Variants in KCNMA1 observed in about 807,000 individuals in gnomAD.
KCNMA1 encodes Calcium-activated potassium channel subunit alpha-1.
A neutral mutation model predicts 140.0 loss-of-function variants in KCNMA1; 29 were observed. The ratio of observed to expected loss-of-function variants is 0.21; its 90% confidence interval spans 0.15 to 0.28. The LOEUF is 0.28. Ranked by LOEUF, KCNMA1 falls within the 10% of genes least tolerant of loss-of-function variation. The pLI is 1.00. For synonymous variants in KCNMA1, 612 were observed against 611.9 expected, an observed-to-expected ratio of 1.00 and a Z score of 0.00; for missense variants, 880 against 1,602.2, an observed-to-expected ratio of 0.55 and a Z score of 7.70.
intron 2 of KCNMA1, among the ~76,000 whole-genome samples, chr10:77,339,764 G>T (rs1311487862): frequency 6.6e-6 from 1 of 152,236 alleles, no homozygotes; most frequent in Non-Finnish European, 1.5e-5. Context: ...AGCCTCCCTT[G>T]CAGCTATAGG....
chr10:77,086,977 G>A (rs2096707481), intron 10 of KCNMA1, among the ~76,000 whole-genome samples: 1 of 152,230 alleles, frequency 6.6e-6, no homozygotes, highest in African/African-American at 2.4e-5. Flanking sequence ...TTCTGGGTGT[G>A]TCTGGGAGAG....
At chr10:77,068,403 T>A (rs11002003) in intron 14 of KCNMA1, among the ~76,000 whole-genome samples, 6,139 of 152,260 alleles carry the variant, frequency 0.04, 203 homozygotes, top group Non-Finnish European at 0.057. Context: ...TTCCCTTGGC[T>A]ATGGTTAGTG....
intron 2 of KCNMA1, among the ~76,000 whole-genome samples, chr10:77,370,785 C>G (rs1447428909): frequency 6.6e-6 from 1 of 152,182 alleles, no homozygotes; most frequent in Non-Finnish European, 1.5e-5. Flanking sequence ...CCTTTGAAGT[C>G]TCATTCCAAT....
chr10:76,974,556 A>T (rs2153201044), intron 19 of KCNMA1: 1 of 1,548,384 alleles, frequency 6.5e-7, no homozygotes. Context: ...GAATAGCGTG[A>T]TCTAGCTGCA....
chr10:77,069,578 T>A (rs1033711392), intron 14 of KCNMA1, among the ~76,000 whole-genome samples: 1 of 152,160 alleles, frequency 6.6e-6, no homozygotes, highest in Admixed American at 6.5e-5. Context: ...AGAAATTCAT[T>A]ACCCCCAAAG....
intron 1 of KCNMA1, among the ~76,000 whole-genome samples, chr10:77,629,058 G>A (rs1212314529): frequency 6.6e-6 from 1 of 152,144 alleles, no homozygotes; most frequent in African/African-American, 2.4e-5. Context: ...TTTGATTTTG[G>A]CCACGTGAAG....
intron 1 of KCNMA1, among the ~76,000 whole-genome samples, chr10:77,575,048 C>T (rs1290766882): frequency 1.3e-5 from 2 of 152,154 alleles, no homozygotes; most frequent in Non-Finnish European, 1.5e-5. Flanking sequence ...TAAATGATGA[C>T]CAGAACCCTG....
At chr10:77,607,219 T>C (rs1302376901) in intron 1 of KCNMA1, among the ~76,000 whole-genome samples, 1 of 152,108 alleles carries the variant, frequency 6.6e-6, no homozygotes, top group Non-Finnish European at 1.5e-5. Flanking sequence ...AAAGGAAAGA[T>C]TAGGGCAGGT....
At chr10:77,330,717 C>T (rs775993543) in intron 2 of KCNMA1, among the ~76,000 whole-genome samples, 35 of 152,134 alleles carry the variant, frequency 2.3e-4, no homozygotes, top group Admixed American at 1.7e-3. Context: ...ATCAGAACAG[C>T]CCAGGATGGC....
rs1030524398 is a variant in KCNMA1, at chr10:77,302,448, G to A, written c.541-51192C>T. ...CCAATTCCCCCTACAAGCATTGCTC[G>A]GGTCCAGGCCCACTGTAGGAGACAC... On this transcript the variant is annotated intron_variant, in intron 2 of 27. Transcript: ENST00000286628. 3.9e-5 allele frequency among the ~76,000 whole-genome samples: 6 copies of A among 152,054 alleles called. No homozygotes were observed. In the South Asian group the frequency reaches 8.3e-4, roughly 21 times the overall value.
intron 2 of KCNMA1, among the ~76,000 whole-genome samples, chr10:77,268,567 C>G (rs559356903): frequency 6.6e-6 from 1 of 152,186 alleles, no homozygotes; most frequent in South Asian, 2.1e-4. Context: ...GATTTCAGAT[C>G]AAAAGCAGTC....
intron 2 of KCNMA1, among the ~76,000 whole-genome samples, chr10:77,304,705 T>C (rs925405766): frequency 6.6e-6 from 1 of 152,228 alleles, no homozygotes. Context: ...GGCTCAGTAT[T>C]TGAACTCAGT....
At chr10:77,388,769 C>A (rs894431262) in intron 2 of KCNMA1, among the ~76,000 whole-genome samples, 1 of 152,180 alleles carries the variant, frequency 6.6e-6, no homozygotes, top group Non-Finnish European at 1.5e-5. Context: ...TTCTCTCTAT[C>A]TGTATCTCTC....
intron 2 of KCNMA1, among the ~76,000 whole-genome samples, chr10:77,371,146 T>A (rs2094679622): frequency 6.6e-6 from 1 of 152,214 alleles, no homozygotes; most frequent in African/African-American, 2.4e-5. Context: ...TACCCAACAC[T>A]GAACGAGACA....
chr10:77,358,857 C>T (rs1223179067), intron 2 of KCNMA1, among the ~76,000 whole-genome samples: 1 of 152,222 alleles, frequency 6.6e-6, no homozygotes, highest in Admixed American at 6.5e-5. Context: ...CCTGGTTCTT[C>T]TTTGTCTTCG....
In KCNMA1 at chr10:77,048,391, A is replaced by G. The variant is rs577758957; in HGVS notation, c.1750-8754T>C. On this transcript the variant is annotated intron_variant, in intron 14 of 27. Coordinates refer to ENST00000286628, the MANE Select transcript of KCNMA1 (RefSeq NM_001161352.2). ...CTCTGTCTTAAAAATCTGACTTCCC[A>G]TAATTTCCCCTGCTTCAGAAAAGCA... Among the ~76,000 whole-genome samples, 3 of 152,318 alleles carry G rather than the reference A, an allele frequency of 2.0e-5. No homozygotes were observed. The South Asian group carries it at 6.2e-4, about 32-fold the overall frequency.
At chr10:77,528,139 G>A (rs1214122051) in intron 1 of KCNMA1, among the ~76,000 whole-genome samples, 1 of 152,196 alleles carries the variant, frequency 6.6e-6, no homozygotes, top group African/African-American at 2.4e-5. Flanking sequence ...ACAGGACCTG[G>A]CACAAGGTGT....
chr10:77,539,150 G>T (rs2059600633), intron 1 of KCNMA1, among the ~76,000 whole-genome samples: 1 of 152,166 alleles, frequency 6.6e-6, no homozygotes, highest in African/African-American at 2.4e-5. Context: ...ATATGTCTCT[G>T]AGGAACCCAC....
intron 5 of KCNMA1, among the ~76,000 whole-genome samples, chr10:77,127,092 AC>A (rs2097759464): frequency 3.0e-5 from 1 of 32,878 alleles, no homozygotes; most frequent in South Asian, 1.2e-3. Flanking sequence ...ACACACACAC[AC>A]ACACACACAC....
Sources: gnomAD v4.1 joint callset for allele counts (sites outside exome capture counted in the v4.1 genomes callset) on GRCh38, gnomAD v4.1.1 for gene constraint, MANE v1.5 for transcripts, NCBI Gene and HGNC (gene_info 2026-07-23, HGNC 2026-07-21) for gene names.